The following SLC22A23 variants were observed in gnomAD, a reference collection of about 807,000 sequenced individuals.
SLC22A23 encodes solute carrier family 22 member 23, also known as ion transporter protein.
A neutral mutation model predicts 61.0 loss-of-function variants in SLC22A23; 26 were observed. The ratio of observed to expected loss-of-function variants is 0.43; its 90% confidence interval spans 0.31 to 0.59. The LOEUF (loss-of-function observed/expected upper bound fraction) is 0.59, where lower values mean the gene tolerates loss of function less well. Ranked by LOEUF, SLC22A23 falls within the 20% of genes least tolerant of loss-of-function variation. SLC22A23 has a pLI of 0.11. For synonymous variants in SLC22A23, 430 were observed against 413.9 expected (o/e 1.04, Z -0.47); for missense variants, 796 against 934.7 (o/e 0.85, Z 1.94).
In SLC22A23 at chr6:3,321,738, T is replaced by C. The variant is rs1423511402; in HGVS notation, c.1082+2096A>G. ...GAGCCTGGGGTGAGGGAAACAACCCTGTCTGACCTCTCTTCTCAGGAGTAT... is the reference window on the plus strand; with the variant it reads ...GAGCCTGGGGTGAGGGAAACAACCCCGTCTGACCTCTCTTCTCAGGAGTAT... On this transcript the variant is annotated intron_variant, in intron 4 of 9. Transcript: ENST00000406686. Among the ~76,000 whole-genome samples, 20 of 152,296 alleles carry C rather than the reference T, an allele frequency of 1.3e-4. No individual in the cohort carries two copies. The East Asian group carries it at 3.9e-3, about 29-fold the overall frequency.
Position 3,271,893 on chromosome 6 carries a change from T to C in SLC22A23, c.*1162A>G, listed in dbSNP as rs1464825284. 2 of 152,388 alleles carry C rather than the reference T, an allele frequency of 1.3e-5. No individual in the cohort carries two copies. The highest frequency in any genetic ancestry group is 2.9e-5 in the Non-Finnish European group (2 of 68,094). The allele number at this position is 152,388 out of a possible 1,614,324, so 9.4% of individuals were successfully genotyped here. A position where few individuals can be genotyped will look rare whatever the true frequency, so the allele number is the denominator to read the frequency against. On this transcript the variant is annotated 3_prime_UTR_variant, in exon 10 of 10. Transcript: ENST00000406686. ...ATGCCTTCGAGAGGCTGGAGGTCAT[T>C]TGGACTCACCTATGAGGAATCTCCG...
At chr6:3,285,569 G>C (rs2127316687) in intron 7 of SLC22A23, among the ~76,000 whole-genome samples, 1 of 151,938 alleles carries the variant, frequency 6.6e-6, no homozygotes, top group African/African-American at 2.4e-5. Flanking sequence ...ACAACACCCG[G>C]GGGCTGAGGC....
chr6:3,356,826 C>T (rs1194675247), intron 3 of SLC22A23, among the ~76,000 whole-genome samples: 1 of 152,040 alleles, frequency 6.6e-6, no homozygotes, highest in Admixed American at 6.6e-5. Context: ...CTCACCAAAT[C>T]CTATAAATAA....
chr6:3,360,129 T>C lies in SLC22A23; in HGVS notation c.914-36127A>G, dbSNP rs534021422. 2.6e-5 allele frequency among the ~76,000 whole-genome samples: 4 copies of C among 152,260 alleles called. No individual in the cohort carries two copies. Among genetic ancestry groups the C allele is most frequent in the African/African-American group, 4.8e-5 (2 of 41,546 alleles). On this transcript the variant is annotated intron_variant, in intron 3 of 9. Transcript: ENST00000406686. The surrounding 1 kb of genome is among the most constrained non-coding windows in gnomAD (Gnocchi z 4.6). ...AAGGGATGGGAATGGGGAGTGTTTA[T>C]TGGGGACAGAGTTTGTTTGGGAAGA...
In SLC22A23 at chr6:3,454,420, G is replaced by C. The variant is rs1279804109; in HGVS notation, c.654+1486C>G. Among the ~76,000 whole-genome samples, 1 of 152,098 alleles carries C rather than the reference G, an allele frequency of 6.6e-6. No individual in the cohort carries two copies. The highest frequency in any genetic ancestry group is 1.5e-5 in the Non-Finnish European group (1 of 68,008). ...CTCTACTTTGACCCCAGGACACAGC[G>C]CTCTTCACACATACTCACTTTGATC... On this transcript the variant is annotated intron_variant, in intron 1 of 9. Coordinates refer to ENST00000406686, the MANE Select transcript of SLC22A23 (RefSeq NM_015482.2). The surrounding 1 kb of genome is among the most constrained non-coding windows in gnomAD (Gnocchi z 4.3).
chr6:3,281,455 G>A (rs1267455311), intron 9 of SLC22A23, among the ~76,000 whole-genome samples: 1 of 152,164 alleles, frequency 6.6e-6, no homozygotes, highest in East Asian at 1.9e-4. Flanking sequence ...AAGTATAAAA[G>A]CATTTTTTGA....
intron 2 of SLC22A23, among the ~76,000 whole-genome samples, chr6:3,412,202 A>G (rs1769310294): frequency 6.6e-6 from 1 of 152,208 alleles, no homozygotes; most frequent in African/African-American, 2.4e-5. Context: ...TTTAGAAAAG[A>G]TGTTCGATTT....
At position 3,322,298 on chromosome 6, in the gene SLC22A23, T is replaced by C. The variant is rs1288405595; in HGVS notation, c.1082+1536A>G. 1.3e-5 allele frequency among the ~76,000 whole-genome samples: 2 copies of C among 152,204 alleles called. No homozygotes were observed. Among genetic ancestry groups the C allele is most frequent in the African/African-American group, 4.8e-5 (2 of 41,452 alleles). ...CATTTGTGAGATAAATCAGCACCCTTGAACTCCGAAACAGCTAAGCCCAGC... is the reference window on the plus strand; with the variant it reads ...CATTTGTGAGATAAATCAGCACCCTCGAACTCCGAAACAGCTAAGCCCAGC... On this transcript the variant is annotated intron_variant, in intron 4 of 9. Transcript: ENST00000406686. This position sits in a 1 kb window ranked among gnomAD's most constrained non-coding sequence, Gnocchi z 4.1.
At chr6:3,335,704 A>G (rs918956425) in intron 3 of SLC22A23, among the ~76,000 whole-genome samples, 4 of 152,058 alleles carry the variant, frequency 2.6e-5, no homozygotes, top group Admixed American at 1.3e-4. Context: ...CTCCAGTTCT[A>G]TAGATTGGTG....
intron 5 of SLC22A23, among the ~76,000 whole-genome samples, chr6:3,293,282 G>T (rs983383360): frequency 6.6e-6 from 1 of 152,154 alleles, no homozygotes; most frequent in African/African-American, 2.4e-5. Context: ...GGGAAGAAGG[G>T]ATGCTGCCAT....
intron 4 of SLC22A23, among the ~76,000 whole-genome samples, chr6:3,321,378 A>G (rs1032885515): frequency 6.6e-6 from 1 of 151,054 alleles, no homozygotes; most frequent in Non-Finnish European, 1.5e-5. Flanking sequence ...ACACACGTGC[A>G]CACACATGCA....
At chr6:3,417,271 G>A (rs1010928343) in intron 1 of SLC22A23, among the ~76,000 whole-genome samples, 2 of 152,180 alleles carry the variant, frequency 1.3e-5, no homozygotes, top group African/African-American at 2.4e-5. Flanking sequence ...ACACAGGTAT[G>A]CTTTCCAGAG....
At chr6:3,399,820 T>G (rs1311015770) in intron 3 of SLC22A23, among the ~76,000 whole-genome samples, 1 of 152,222 alleles carries the variant, frequency 6.6e-6, no homozygotes, top group Non-Finnish European at 1.5e-5. Flanking sequence ...AATTTTTTCT[T>G]GAGTTTATTG....
chr6:3,295,595 C>T (rs1019494747), intron 5 of SLC22A23, among the ~76,000 whole-genome samples: 7 of 152,184 alleles, frequency 4.6e-5, no homozygotes, highest in African/African-American at 1.7e-4. Context: ...GGGTGACAGA[C>T]ACGAGGCTCG....
chr6:3,455,098 G>C (rs1003281643), intron 1 of SLC22A23, among the ~76,000 whole-genome samples: 2 of 152,178 alleles, frequency 1.3e-5, no homozygotes, highest in African/African-American at 4.8e-5. Context: ...CCCACTCTGT[G>C]TTTAGGCCTT....
intron 3 of SLC22A23, among the ~76,000 whole-genome samples, chr6:3,359,816 G>A (rs1229287532): frequency 6.6e-6 from 1 of 152,186 alleles, no homozygotes; most frequent in African/African-American, 2.4e-5. Flanking sequence ...ATCAACAGAT[G>A]AATGGATAAG....
At chr6:3,319,790 C>T (rs4959811) in intron 4 of SLC22A23, among the ~76,000 whole-genome samples, 79,549 of 151,792 alleles carry the variant, frequency 0.52, 21,552 homozygotes, top group African/African-American at 0.66. Context: ...TGTGGGAGGC[C>T]GTGTTTTGGA....
intron 1 of SLC22A23, among the ~76,000 whole-genome samples, chr6:3,447,250 C>T (rs1433622698): frequency 6.6e-6 from 1 of 152,228 alleles, no homozygotes; most frequent in Non-Finnish European, 1.5e-5. Flanking sequence ...ACACACACAT[C>T]TCTCCTCTTT....
chr6:3,315,107 T>C (rs1325781236), intron 4 of SLC22A23, among the ~76,000 whole-genome samples: 3 of 152,014 alleles, frequency 2.0e-5, no homozygotes, highest in Non-Finnish European at 4.4e-5. Context: ...TTAGGTGGGC[T>C]CGAGGTGAGA....
Sources: gnomAD v4.1 joint callset for allele counts (sites outside exome capture counted in the v4.1 genomes callset) on GRCh38, gnomAD v4.1.1 for gene constraint, Gnocchi (gnomAD v3.1) non-coding constraint, MANE v1.5 for transcripts, NCBI Gene and HGNC (gene_info 2026-07-23, HGNC 2026-07-21) for gene names.